Variants in ADARB2 observed in about 807,000 individuals in gnomAD.
The protein encoded by ADARB2 is inactive double-stranded RNA-specific editase B2.
In ADARB2, 25 loss-of-function variants were observed where a neutral mutation model predicts 62.2. The ratio of observed to expected loss-of-function variants is 0.40; its 90% CI spans 0.29 to 0.56. The LOEUF (loss-of-function observed/expected upper bound fraction) is 0.56, where lower values mean the gene tolerates loss of function less well. Among genes scored for constraint, ADARB2 ranks in the 20% least tolerant of loss-of-function variants. The pLI, the probability that ADARB2 is intolerant of heterozygous loss-of-function variation, is 0.43. For synonymous variants in ADARB2, 572 were observed against 500.8 expected (o/e 1.14, Z -1.90); for missense variants, 1,071 against 1,077.4 (o/e 0.99, Z 0.08).
At chr10:1,221,339 T>TA (rs1460650567) in intron 6 of ADARB2, among the ~76,000 whole-genome samples, 1 of 152,112 alleles carries the variant, frequency 6.6e-6, no homozygotes, top group African/African-American at 2.4e-5. Flanking sequence ...AAACCCTAGA[T>TA]AAAACCCTTG....
Position 1,202,877 on chromosome 10 carries a change from C to G in ADARB2, c.1683-2730G>C, listed in dbSNP as rs577305925. Among the ~76,000 whole-genome samples the G allele has an allele frequency of 1.1e-4, 17 of 152,344 alleles. 1 individual carries two copies. In the South Asian group the frequency reaches 3.1e-3, roughly 28 times the overall value. On this transcript the variant is annotated intron_variant, in intron 7 of 9. Coordinates refer to ENST00000381312, the MANE Select transcript of ADARB2 (RefSeq NM_018702.4). ...AGAGCACGGGCTTTGAACAAAACTT[C>G]CGGAACGTATGTGAGTGGCTGTGAT... is the stretch of plus-strand genomic sequence containing the variant.
chr10:1,497,443 G>A (rs1396031435), intron 1 of ADARB2, among the ~76,000 whole-genome samples: 1 of 152,158 alleles, frequency 6.6e-6, no homozygotes, highest in Non-Finnish European at 1.5e-5. Flanking sequence ...GAAAACACAT[G>A]TTCATTTGAG....
Position 1,737,340 on chromosome 10 carries a change from C to G in ADARB2, c.-190G>C. The stretch of plus-strand genomic sequence containing the variant: ...CTCGAATTGTTCTCTATGACTTGCT[C>G]CCACTGGGCTGGGGGCCTCGGCTGG... On this transcript the variant is annotated 5_prime_UTR_variant, in exon 1 of 10. Coordinates refer to ENST00000381312, the MANE Select transcript of ADARB2 (RefSeq NM_018702.4). The G allele has an allele frequency of 5.0e-6, 3 of 599,528 alleles. No individual in the cohort carries two copies. The Admixed American group carries it at 8.8e-5, about 18-fold the overall frequency. 37.1% of individuals were successfully genotyped at this position (599,528 alleles called of 1,614,324 possible).
At chr10:1,561,551 T>C (rs1832786461) in intron 1 of ADARB2, among the ~76,000 whole-genome samples, 1 of 152,234 alleles carries the variant, frequency 6.6e-6, no homozygotes, top group African/African-American at 2.4e-5. Context: ...TCACCCAGGC[T>C]GAGAACCATA....
At chr10:1,663,352 G>A (rs1013197697) in intron 1 of ADARB2, among the ~76,000 whole-genome samples, 7 of 152,180 alleles carry the variant, frequency 4.6e-5, no homozygotes, top group African/African-American at 1.4e-4. Flanking sequence ...TGAGAATTGC[G>A]ACAAGTGCAT....
intron 1 of ADARB2, among the ~76,000 whole-genome samples, chr10:1,602,711 CAT>C (rs1162932944): frequency 1.2e-3 from 148 of 123,058 alleles, no homozygotes; most frequent in African/African-American, 4.2e-3. Context: ...CATCCACACA[CAT>C]ATGCACACAC....
intron 1 of ADARB2, among the ~76,000 whole-genome samples, chr10:1,683,806 C>T (rs992526670): frequency 1.3e-5 from 2 of 152,132 alleles, no homozygotes; most frequent in African/African-American, 2.4e-5. Context: ...AGCAGAGAAA[C>T]GCAGGCAAGG....
At chr10:1,696,971 AT>A (rs11404553) in intron 1 of ADARB2, among the ~76,000 whole-genome samples, 24,024 of 149,656 alleles carry the variant, frequency 0.16, 1,950 homozygotes, top group East Asian at 0.2. Flanking sequence ...TTATTTTGTG[AT>A]TTTTTTTTTT....
chr10:1,365,202 C>G (rs1832304015), intron 2 of ADARB2, among the ~76,000 whole-genome samples: 3 of 152,126 alleles, frequency 2.0e-5, no homozygotes, highest in Admixed American at 2.0e-4. Flanking sequence ...ATATTTCAAA[C>G]TTTCCCATTA....
intron 1 of ADARB2, among the ~76,000 whole-genome samples, chr10:1,438,743 G>A (rs1229937518): frequency 2.0e-5 from 3 of 150,100 alleles, no homozygotes; most frequent in Non-Finnish European, 4.4e-5. Flanking sequence ...ATGGAGGCAG[G>A]TTCTTCACTA....
At chr10:1,727,504 A>T (rs1014874365) in intron 1 of ADARB2, among the ~76,000 whole-genome samples, 2 of 152,064 alleles carry the variant, frequency 1.3e-5, no homozygotes, top group African/African-American at 4.8e-5. Flanking sequence ...ACAAAAACGC[A>T]ATCAGTTTTC....
chr10:1,451,581 T>G (rs1312877539), intron 1 of ADARB2, among the ~76,000 whole-genome samples: 1 of 150,830 alleles, frequency 6.6e-6, no homozygotes, highest in African/African-American at 2.4e-5. Context: ...GGGACACACC[T>G]GTATGAGGAG....
At chr10:1,621,989 C>A (rs1207430131) in intron 1 of ADARB2, among the ~76,000 whole-genome samples, 1 of 152,114 alleles carries the variant, frequency 6.6e-6, no homozygotes, top group Non-Finnish European at 1.5e-5. Flanking sequence ...AAATTTACTA[C>A]CAAGGTAAGG....
intron 3 of ADARB2, among the ~76,000 whole-genome samples, chr10:1,297,818 G>A (rs1831536452): frequency 6.6e-6 from 1 of 152,222 alleles, no homozygotes; most frequent in Non-Finnish European, 1.5e-5. Context: ...CATGGAGGCA[G>A]GGGCTGGAGG....
rs372367646 is a variant in ADARB2, at chr10:1,558,350, T to C, written c.100+178701A>G. Reference sequence around the variant, plus strand: ...AAATCCGCATCCCACCTCTGTCCCATTCTGTGGGTGCTCAGCCCCCGCATG... The same window carrying C: ...AAATCCGCATCCCACCTCTGTCCCACTCTGTGGGTGCTCAGCCCCCGCATG... On this transcript the variant is annotated intron_variant, in intron 1 of 9. Transcript: ENST00000381312. Among the ~76,000 whole-genome samples the C allele has an allele frequency of 2.8e-4, 16 of 57,030 alleles. 1 individual carries two copies. Among genetic ancestry groups the C allele is most frequent in the Middle Eastern group, 0.013 (1 of 80 alleles). The allele number at this position is 57,030 out of a possible 152,430, so 37.4% of individuals were successfully genotyped here. A position where few individuals can be genotyped will look rare whatever the true frequency, so the allele number is the denominator to read the frequency against.
chr10:1,247,817 G>T (rs1162247704), intron 4 of ADARB2, among the ~76,000 whole-genome samples: 1 of 152,202 alleles, frequency 6.6e-6, no homozygotes, highest in Non-Finnish European at 1.5e-5. Flanking sequence ...GGAGAAATGG[G>T]GTCCTTGGTT....
intron 1 of ADARB2, among the ~76,000 whole-genome samples, chr10:1,551,948 G>A (rs1001668421): frequency 1.3e-5 from 2 of 152,220 alleles, no homozygotes; most frequent in African/African-American, 4.8e-5. Flanking sequence ...GCCTCAGGAG[G>A]GGCAGCGTGG....
intron 6 of ADARB2, among the ~76,000 whole-genome samples, chr10:1,226,291 T>G (rs1000227134): frequency 7.9e-5 from 12 of 152,244 alleles, no homozygotes; most frequent in Admixed American, 5.2e-4. Context: ...CTGCATTGGT[T>G]ATTCAGTTAT....
intron 1 of ADARB2, among the ~76,000 whole-genome samples, chr10:1,526,010 C>T (rs972508373): frequency 1.3e-5 from 2 of 151,962 alleles, no homozygotes; most frequent in Non-Finnish European, 2.9e-5. Flanking sequence ...CATGTATGCA[C>T]GTGTTTGTGT....
Sources: allele counts gnomAD v4.1 joint callset (sites outside exome capture counted in the v4.1 genomes callset), GRCh38; gene constraint gnomAD v4.1.1; transcripts MANE v1.5; gene names NCBI Gene and HGNC (gene_info 2026-07-23, HGNC 2026-07-21).